Variants in GEMIN5 observed in about 807,000 individuals in gnomAD.
The protein encoded by GEMIN5 is gem-associated protein 5.
GEMIN5 carries 124 observed loss-of-function variants against 176.9 expected under a neutral mutation model. That is an observed-to-expected ratio of 0.70 (90% CI 0.61 to 0.81). GEMIN5 has a LOEUF of 0.81. Among genes scored for constraint, GEMIN5 ranks in the 40% least tolerant of loss-of-function variants. The probability of loss-of-function intolerance (pLI) is 0.00; values close to 1 mark genes in which losing one functional copy is unlikely to be tolerated. For synonymous variants in GEMIN5, 673 were observed against 665.2 expected (o/e 1.01, Z -0.18); for missense variants, 1,843 against 1,814.6 (o/e 1.02, Z -0.28).
At position 154,898,570 on chromosome 5, in the gene GEMIN5, G is replaced by A. The variant is rs1369716418; in HGVS notation, c.3215C>T (p.Ala1072Val). The A allele has an allele frequency of 6.2e-7, 1 of 1,614,036 alleles. No individual in the cohort carries two copies. The highest frequency in any genetic ancestry group is 8.5e-7 in the Non-Finnish European group (1 of 1,179,992). The change falls in exon 23 of 28, where the codon GCA becomes GTA. Residue 1072 changes from alanine (A) to valine (V), a missense_variant. Ala to Val is a moderately conservative substitution (Grantham distance 64). Coordinates refer to ENST00000285873, the MANE Select transcript of GEMIN5 (RefSeq NM_015465.5). ...KGDAASLRTAAELAAIVGEDE... is the reference protein window; with the variant it reads ...KGDAASLRTAVELAAIVGEDE... Reference sequence around the variant, plus strand: ...CTCTCCTACGATGGCAGCCAACTCTGCAGCCGTTCTAAGTGATGCCGCATC... The same window carrying A: ...CTCTCCTACGATGGCAGCCAACTCTACAGCCGTTCTAAGTGATGCCGCATC...
chr5:154,902,566 C>G lies in GEMIN5; in HGVS notation c.2839G>C (p.Asp947His). 1 of 1,614,162 alleles carries G rather than the reference C, an allele frequency of 6.2e-7. No individual in the cohort carries two copies. Among genetic ancestry groups the G allele is most frequent in the Non-Finnish European group, 8.5e-7 (1 of 1,179,976 alleles). The change falls in exon 20 of 28, where the codon GAC (aspartate) becomes CAC (histidine). Residue 947 changes from aspartate to histidine, a missense_variant. Asp to His is a moderately conservative substitution (Grantham distance 81). Transcript: ENST00000285873. ...GCTGGTGCCATAGCCACAAGGTTGT[C>G]TGTCAGCTCCCCTCTTTCTGCTGCA... is the stretch of plus-strand genomic sequence containing the variant. ...QTAAERGELTDNLVAMAPAAG... is the reference protein window; with the variant it reads ...QTAAERGELTHNLVAMAPAAG...
At chr5:154,888,496 C>CT in intron 27 of GEMIN5, 119 bp from the exon 28 acceptor site, 9 of 723,838 alleles carry the variant, frequency 1.2e-5, no homozygotes, top group Non-Finnish European at 1.8e-5. Context: ...CACAGCTGAG[C>CT]CAGCTGTCTC....
chr5:154,920,971 T>C (rs1052631058), intron 10 of GEMIN5, among the ~76,000 whole-genome samples: 14 of 152,190 alleles, frequency 9.2e-5, no homozygotes, highest in Non-Finnish European at 1.8e-4. Flanking sequence ...ATAGATATTA[T>C]TCCATTAATA....
chr5:154,938,105 G>T lies in GEMIN5; in HGVS notation c.29C>A (p.Pro10His). 7.0e-7 allele frequency: 1 copy of T among 1,419,390 alleles called. No homozygotes were observed. The highest frequency in any genetic ancestry group is 9.2e-7 in the Non-Finnish European group (1 of 1,084,120). The allele number at this position is 1,419,390 out of a possible 1,614,324, so 87.9% of individuals were successfully genotyped here. The change falls in exon 1 of 28, where the codon CCC becomes CAC. Residue 10 changes from proline to histidine, a missense_variant. Coordinates refer to ENST00000285873, the MANE Select transcript of GEMIN5 (RefSeq NM_015465.5). Reference protein sequence around the residue: MGQEPRTLPPSPNWYCARCS... With the variant: MGQEPRTLPHSPNWYCARCS... The stretch of plus-strand genomic sequence containing the variant: ...GCGGGCGCAGTACCAGTTGGGGGAG[G>T]GCGGCAGCGTCCGCGGCTCCTGCCC...
At chr5:154,902,274 A>G (rs368324229) in intron 20 of GEMIN5, among the ~76,000 whole-genome samples, 71 of 152,258 alleles carry the variant, frequency 4.7e-4, no homozygotes, top group African/African-American at 1.6e-3. Flanking sequence ...TTGTGCCATT[A>G]TATCTTTTAA....
chr5:154,927,598 A>C (rs1764073154), intron 6 of GEMIN5, 48 bp from the exon 7 acceptor site: 1 of 1,403,728 alleles, frequency 7.1e-7, no homozygotes, highest in Non-Finnish European at 9.9e-7. Flanking sequence ...ACGATCTGAA[A>C]ACAAGTGACT....
intron 4 of GEMIN5, 65 bp from the exon 5 acceptor site, chr5:154,931,642 G>C: frequency 7.4e-7 from 1 of 1,359,714 alleles, no homozygotes; most frequent in Non-Finnish European, 1.0e-6. Context: ...AAAAAAATTA[G>C]TTTGCAAGAG....
intron 2 of GEMIN5, 140 bp from the exon 3 acceptor site, chr5:154,936,162 A>T (rs1334330987): frequency 1.7e-6 from 1 of 581,756 alleles, no homozygotes; most frequent in Non-Finnish European, 3.0e-6. Flanking sequence ...CACGCCTGTA[A>T]TCCCAGCACT....
At chr5:154,918,059 T>C (rs145403023) in intron 11 of GEMIN5, 55 bp from the exon 12 acceptor site, 1 of 1,099,072 alleles carries the variant, frequency 9.1e-7, no homozygotes, top group Non-Finnish European at 1.4e-6. Flanking sequence ...AAATCAGCAA[T>C]GACAGCATGA....
At chr5:154,915,554 C>T (rs1377295208) in intron 13 of GEMIN5, among the ~76,000 whole-genome samples, 1 of 152,174 alleles carries the variant, frequency 6.6e-6, no homozygotes, top group African/African-American at 2.4e-5. Flanking sequence ...CTTGCTAGAA[C>T]ACATACAGAC....
At chr5:154,902,490 A>C in intron 20 of GEMIN5, 49 bp downstream of exon 20, 6 of 1,581,312 alleles carry the variant, frequency 3.8e-6, no homozygotes, top group Non-Finnish European at 5.2e-6. Flanking sequence ...GACGTATCCT[A>C]GAGATGATAG....
At chr5:154,897,914 G>GTTTTTTTTTTTTTTTTTT (rs35458616) in intron 23 of GEMIN5, among the ~76,000 whole-genome samples, 1 of 124,466 alleles carries the variant, frequency 8.0e-6, no homozygotes, top group Non-Finnish European at 1.6e-5. Flanking sequence ...TTTTTTTTGT[G>GTTTTTTTTTTTTTTTTTT]TTTTTTTTTT....
At chr5:154,893,630 A>G (rs1763286027) in intron 24 of GEMIN5, among the ~76,000 whole-genome samples, 1 of 152,184 alleles carries the variant, frequency 6.6e-6, no homozygotes. Flanking sequence ...ACTGGCAACC[A>G]CTGAACTGGT....
In GEMIN5 at chr5:154,937,189, T is replaced by C. The variant is rs763616989; in HGVS notation, c.167-4A>G. The C allele has an allele frequency of 6.3e-7, 1 of 1,595,560 alleles. No individual in the cohort carries two copies. Among genetic ancestry groups the C allele is most frequent in the Non-Finnish European group, 8.6e-7 (1 of 1,168,444 alleles). Reference sequence around the variant, plus strand: ...TGTCCCACCAACTCTCCTATGACTTTAAGCAAAACCAGACGCTAGGTTAAT... The same window carrying C: ...TGTCCCACCAACTCTCCTATGACTTCAAGCAAAACCAGACGCTAGGTTAAT... On this transcript the variant is annotated splice_region_variant and splice_polypyrimidine_tract_variant and intron_variant, in intron 1 of 27. Transcript: ENST00000285873.
At chr5:154,935,136 C>G (rs919290464) in intron 3 of GEMIN5, among the ~76,000 whole-genome samples, 24 of 152,214 alleles carry the variant, frequency 1.6e-4, no homozygotes, top group Admixed American at 1.5e-3. Flanking sequence ...AAACAGGTCC[C>G]TGGTATTTTC....
chr5:154,919,159 T>TCTCTACTTAA (rs1373931602), intron 11 of GEMIN5, among the ~76,000 whole-genome samples: 4 of 151,802 alleles, frequency 2.6e-5, no homozygotes, highest in Non-Finnish European at 5.9e-5. Context: ...TGAAACCCCA[T>TCTCTACTTAA]CTCTACTTAA....
intron 3 of GEMIN5, among the ~76,000 whole-genome samples, chr5:154,934,234 TG>T (rs1444852407): frequency 6.6e-6 from 1 of 152,144 alleles, no homozygotes; most frequent in African/African-American, 2.4e-5. Context: ...TTGCCCAGGC[TG>T]GGGTGCAATG....
chr5:154,938,119 C>T lies in GEMIN5; in HGVS notation c.15G>A (p.Pro5=). The T allele has an allele frequency of 7.1e-7, 1 of 1,400,206 alleles. No individual in the cohort carries two copies. Among genetic ancestry groups the T allele is most frequent in the Non-Finnish European group, 9.3e-7 (1 of 1,073,230 alleles). 86.7% of individuals were successfully genotyped at this position (1,400,206 alleles called of 1,614,324 possible). Residue 5 remains proline (P), a synonymous_variant, in exon 1 of 28, where the codon CCG becomes CCA. Coordinates refer to ENST00000285873, the MANE Select transcript of GEMIN5 (RefSeq NM_015465.5). The part of the protein sequence containing the change: MGQE[P]RTLPPSPNWY... ...AGTTGGGGGAGGGCGGCAGCGTCCG[C>T]GGCTCCTGCCCCATAACTACAAGCC... is the stretch of plus-strand genomic sequence containing the variant.
intron 18 of GEMIN5, 38 bp from the exon 19 acceptor site, chr5:154,903,213 A>G: frequency 8.0e-7 from 1 of 1,246,986 alleles, no homozygotes. Flanking sequence ...AGATGAAGTC[A>G]TTACATTGAT....
Sources: gnomAD v4.1 joint callset for allele counts (sites outside exome capture counted in the v4.1 genomes callset) on GRCh38, gnomAD v4.1.1 for gene constraint, MANE v1.5 for transcripts, NCBI Gene and HGNC (gene_info 2026-07-23, HGNC 2026-07-21) for gene names.